SP140: variants seen among roughly 807,000 people sequenced by gnomAD.
SP140 encodes nuclear body protein SP140.
In SP140, 81 loss-of-function variants were observed where a neutral mutation model predicts 125.0. The ratio of observed to expected loss-of-function variants is 0.65; its 90% CI spans 0.54 to 0.78. The LOEUF (loss-of-function observed/expected upper bound fraction) is 0.78, where lower values mean the gene tolerates loss of function less well. Ranked by LOEUF, SP140 falls within the 30% of genes least tolerant of loss-of-function variation. The pLI, the probability that SP140 is intolerant of heterozygous loss-of-function variation, is 0.00. For missense variants in SP140, 858 were observed against 1,037.0 expected (o/e 0.83, Z 2.37); for synonymous variants, 312 against 354.0 (o/e 0.88, Z 1.33).
rs146535038 is a variant in SP140, at chr2:230,259,405, C to T, written c.1240+3873C>T. Among the ~76,000 whole-genome samples the T allele has an allele frequency of 3.5e-3, 534 of 151,890 alleles. 2 individuals carry two copies. Among genetic ancestry groups the T allele is most frequent in the South Asian group, 9.6e-3 (46 of 4,794 alleles). ...AGGATGATAGTCTCCAAGCCGGGCACGGTGGCTCACGCCTGTAGTCCCAGC... is the reference window on the plus strand; with the variant it reads ...AGGATGATAGTCTCCAAGCCGGGCATGGTGGCTCACGCCTGTAGTCCCAGC... On this transcript the variant is annotated intron_variant, in intron 12 of 26. Coordinates refer to ENST00000392045, the MANE Select transcript of SP140 (RefSeq NM_007237.5).
At chr2:230,216,478 G>A (rs1167428997) in intron 3 of SP140, among the ~76,000 whole-genome samples, 1 of 152,154 alleles carries the variant, frequency 6.6e-6, no homozygotes, top group Non-Finnish European at 1.5e-5. Flanking sequence ...CCTCTAGAAG[G>A]AACCAACCCT....
chr2:230,210,104 A>G (rs1306961541), intron 1 of SP140: 1 of 815,036 alleles, frequency 1.2e-6, no homozygotes, highest in Non-Finnish European at 2.2e-6. Flanking sequence ...TAGAAAGTAC[A>G]TGCAGCCCAG....
rs958978933 is a variant in SP140 at position 230,245,723 on chromosome 2, T to A, written c.665-140T>A. 2.0e-5 allele frequency: 12 copies of A among 613,212 alleles called. No individual in the cohort carries two copies. In the Admixed American group the frequency reaches 3.2e-4, roughly 16 times the overall value. 38.0% of individuals were successfully genotyped at this position (613,212 alleles called of 1,614,324 possible). On this transcript the variant is annotated intron_variant, in intron 6 of 26. Transcript: ENST00000392045. ...GGGCCTGACAAGGTGCTAGAAGAAG[T>A]AGAGCCACTTTTGTTTGGTGCAAAG...
In SP140 at chr2:230,304,800, T is replaced by C. The variant is rs538104309; in HGVS notation, c.2059-5124T>C. 4.6e-5 allele frequency among the ~76,000 whole-genome samples: 7 copies of C among 152,288 alleles called. No individual in the cohort carries two copies. The South Asian group carries it at 8.3e-4, about 18-fold the overall frequency. On this transcript the variant is annotated intron_variant, in intron 22 of 26. Coordinates refer to ENST00000392045, the MANE Select transcript of SP140 (RefSeq NM_007237.5). ...CTTAAATCTAAGACCTGAAACCATA[T>C]AAATTCTAGAAAATAACATTGGAAA...
intron 21 of SP140, among the ~76,000 whole-genome samples, chr2:230,296,127 C>T (rs1020001723): frequency 4.8e-4 from 73 of 152,056 alleles, no homozygotes; most frequent in Non-Finnish European, 1.6e-4. Context: ...TGTAGTCCCA[C>T]CTACTCAGGA....
intron 19 of SP140, 27 bp from the exon 20 acceptor site, chr2:230,292,619 C>A: frequency 1.9e-6 from 3 of 1,613,760 alleles, no homozygotes; most frequent in South Asian, 1.1e-5. Flanking sequence ...AAAGAGGGCT[C>A]AGGATCAAGT....
intron 3 of SP140, 96 bp downstream of exon 3, chr2:230,238,477 T>A (rs2048282336): frequency 8.4e-7 from 1 of 1,196,080 alleles, no homozygotes. Flanking sequence ...AATATTTGAC[T>A]GAGTGACTAT....
chr2:230,248,947 C>T lies in SP140; in HGVS notation c.955C>T (p.Leu319=). Residue 319 remains leucine, a synonymous_variant, in exon 9 of 27, where the codon CTA becomes TTA. Transcript: ENST00000392045. Reference sequence around the variant, plus strand: ...AGGAGAACCAGAGAAGGGGCTCTGTCTACTACCAGGTGAAGGAGAAGGTAA... The same window carrying T: ...AGGAGAACCAGAGAAGGGGCTCTGTTTACTACCAGGTGAAGGAGAAGGTAA... ...NEGEPEKGLC[L]LPGEGEEGSD... The T allele has an allele frequency of 3.7e-6, 6 of 1,611,312 alleles. No individual in the cohort carries two copies. In the East Asian group the frequency reaches 1.1e-4, roughly 30 times the overall value.
chr2:230,270,042 C>A, intron 14 of SP140, 89 bp downstream of exon 14: 1 of 822,112 alleles, frequency 1.2e-6, no homozygotes, highest in South Asian at 1.5e-5. Flanking sequence ...CCAGTCTGTC[C>A]AGAATTCTAT....
intron 18 of SP140, among the ~76,000 whole-genome samples, chr2:230,288,449 C>A (rs1474562597): frequency 6.6e-6 from 1 of 151,680 alleles, no homozygotes; most frequent in Non-Finnish European, 1.5e-5. Flanking sequence ...ATGAATTAGG[C>A]CAACTATCTT....
At chr2:230,258,137 T>C (rs1339974405) in intron 12 of SP140, among the ~76,000 whole-genome samples, 1 of 152,142 alleles carries the variant, frequency 6.6e-6, no homozygotes, top group East Asian at 1.9e-4. Context: ...CCTAGAAGTG[T>C]AGCAACTTTC....
At position 230,312,602 on chromosome 2, in the gene SP140, A is replaced by C. The variant is rs1292499594; in HGVS notation, c.2522A>C (p.Gln841Pro). Residue 841 changes from glutamine to proline, a missense_variant, in exon 27 of 27, where the codon CAA (glutamine) becomes CCA (proline). Coordinates refer to ENST00000392045, the MANE Select transcript of SP140 (RefSeq NM_007237.5). ...TTTTTTCAGTACAAGGATTTTGGCCAAATGGGATTTAGACTGGAGGCTGAG... is the reference window on the plus strand; with the variant it reads ...TTTTTTCAGTACAAGGATTTTGGCCCAATGGGATTTAGACTGGAGGCTGAG... ...RASYKYKDFG[Q>P]MGFRLEAEFE... is the part of the protein sequence containing the mutation. 1 of 1,611,898 alleles carries C rather than the reference A, an allele frequency of 6.2e-7. No individual in the cohort carries two copies. Among genetic ancestry groups the C allele is most frequent in the Non-Finnish European group, 8.5e-7 (1 of 1,178,594 alleles).
At chr2:230,307,764 T>C (rs1211305435) in intron 22 of SP140, among the ~76,000 whole-genome samples, 1 of 151,954 alleles carries the variant, frequency 6.6e-6, no homozygotes, top group Non-Finnish European at 1.5e-5. Flanking sequence ...GCCAGTAGCC[T>C]GAGCCAAGTG....
At chr2:230,248,153 A>G in intron 8 of SP140, 88 bp downstream of exon 8, 1 of 1,301,466 alleles carries the variant, frequency 7.7e-7, no homozygotes. Flanking sequence ...AAGGTTTCTG[A>G]CAGTCTCTAT....
At chr2:230,253,616 G>A (rs2050714498) in intron 11 of SP140, among the ~76,000 whole-genome samples, 199 bp downstream of exon 11, 2 of 152,148 alleles carry the variant, frequency 1.3e-5, no homozygotes, top group African/African-American at 2.4e-5. Flanking sequence ...GAGCCCCTGA[G>A]TGGAGACCAT....
chr2:230,209,335 C>T (rs867275060), intron 1 of SP140, among the ~76,000 whole-genome samples: 14 of 151,736 alleles, frequency 9.2e-5, no homozygotes, highest in African/African-American at 3.4e-4. Flanking sequence ...GTCTGTTATC[C>T]GTGTGTACCC....
At chr2:230,192,727 T>C in the SP140 span, among the ~76,000 whole-genome samples, 1 of 152,228 alleles carries the variant, frequency 6.6e-6, no homozygotes. Context: ...ATAGATTCAA[T>C]GTTATTCCCA....
intron 22 of SP140, among the ~76,000 whole-genome samples, chr2:230,307,539 G>A (rs1277678685): frequency 2.6e-5 from 4 of 152,238 alleles, no homozygotes; most frequent in African/African-American, 9.6e-5. Flanking sequence ...CACATCCCCT[G>A]TTGCCAGCCA....
chr2:230,309,900 C>T (rs755001295), intron 22 of SP140, 24 bp from the exon 23 acceptor site: 23 of 1,611,578 alleles, frequency 1.4e-5, no homozygotes, highest in South Asian at 2.2e-5. Flanking sequence ...TTCCCAGTGA[C>T]GTGGACACTG....
Sources: gnomAD v4.1 joint callset for allele counts (sites outside exome capture counted in the v4.1 genomes callset) on GRCh38, gnomAD v4.1.1 for gene constraint, MANE v1.5 for transcripts, NCBI Gene and HGNC (gene_info 2026-07-23, HGNC 2026-07-21) for gene names.